ESYT3: variants seen among roughly 807,000 people sequenced by gnomAD.
ESYT3 encodes extended synaptotagmin-3.
In ESYT3, 101 loss-of-function variants were observed where a neutral mutation model predicts 111.5. The observed-to-expected ratio is 0.91, with a 90% CI of 0.77 to 1.07. ESYT3 has a LOEUF of 1.07. ESYT3 is among the 50% of genes least tolerant of loss of function. The probability of loss-of-function intolerance (pLI) is 0.00; values close to 1 mark genes in which losing one functional copy is unlikely to be tolerated. For missense variants in ESYT3, 1,097 were observed against 1,109.4 expected (o/e 0.99, Z 0.16); for synonymous variants, 416 against 446.8 (o/e 0.93, Z 0.87).
At chr3:138,445,524 C>A in intron 1 of ESYT3, among the ~76,000 whole-genome samples, 1 of 152,250 alleles carries the variant, frequency 6.6e-6, no homozygotes, top group African/African-American at 2.4e-5. Context: ...CAACCACTTG[C>A]ACTGTGTTGT....
chr3:138,467,604 G>C lies in ESYT3; in HGVS notation c.1213G>C (p.Asp405His). The part of the protein sequence containing the change: ...LGDVMTNRVV[D>H]EWFVLNDTTS... ...AGATGTCATGACCAACAGAGTGGTG[G>C]ATGAGGTACAGTTGGTGCTTGCAAC... The change falls in exon 11 of 23, where the codon GAT becomes CAT. Residue 405 changes from aspartate to histidine, a missense_variant. Asp to His is a moderately conservative substitution (Grantham distance 81, BLOSUM62 -1). Coordinates refer to ENST00000389567, the MANE Select transcript of ESYT3 (RefSeq NM_031913.5). The C allele has an allele frequency of 6.2e-7, 1 of 1,614,106 alleles. No homozygotes were observed. The highest frequency in any genetic ancestry group is 1.1e-5 in the South Asian group (1 of 91,066).
chr3:138,464,363 T>C lies in ESYT3; in HGVS notation c.934T>C (p.Leu312=), dbSNP rs145619454. 7.4e-5 allele frequency: 119 copies of C among 1,614,094 alleles called. 1 individual carries two copies. In the African/African-American group the frequency reaches 1.5e-3, roughly 20 times the overall value. The change falls in exon 9 of 23, where the codon TTG becomes CTG. Residue 312 remains leucine, a synonymous_variant. Coordinates refer to ENST00000389567, the MANE Select transcript of ESYT3 (RefSeq NM_031913.5). ...TTTCCAGGGGGTGATCAGAGTGCAC[T>C]TGCTGGAGGCAGAGCAGCTGGCCCA... ...PLPCGVIRVH[L]LEAEQLAQKD...
intron 2 of ESYT3, among the ~76,000 whole-genome samples, chr3:138,452,385 C>T (rs1052092573): frequency 3.3e-5 from 5 of 152,214 alleles, no homozygotes; most frequent in Non-Finnish European, 7.3e-5. Flanking sequence ...GAGAGGAAGA[C>T]ATTAATTAGA....
intron 8 of ESYT3, among the ~76,000 whole-genome samples, chr3:138,463,449 A>G (rs1169430481): frequency 1.3e-5 from 2 of 152,198 alleles, no homozygotes; most frequent in Non-Finnish European, 2.9e-5. Flanking sequence ...GACAGTGTAG[A>G]TTAGAGATCT....
rs1239301725 is a variant in ESYT3, at chr3:138,478,240, T to G, written c.*1386T>G. 1 of 152,224 alleles carries G rather than the reference T, an allele frequency of 6.6e-6. No individual in the cohort carries two copies. Among genetic ancestry groups the G allele is most frequent in the Non-Finnish European group, 1.5e-5 (1 of 68,038 alleles). The allele number at this position is 152,224 out of a possible 1,614,324, so 9.4% of individuals were successfully genotyped here. The stretch of plus-strand genomic sequence containing the variant: ...ACTTATATTGTATTTGGTATTTAAT[T>G]TTGTTTATTCTCCAGTTGAACAGTA... On this transcript the variant is annotated 3_prime_UTR_variant, in exon 23 of 23. Transcript: ENST00000389567.
intron 6 of ESYT3, 149 bp downstream of exon 6, chr3:138,460,183 T>C: frequency 1.5e-6 from 1 of 667,030 alleles, no homozygotes; most frequent in Non-Finnish European, 2.6e-6. Flanking sequence ...CATTTAATCC[T>C]TAAGACAGCT....
At chr3:138,469,329 C>T (rs557741403) in intron 14 of ESYT3, 107 bp from the exon 15 acceptor site, 1 of 920,608 alleles carries the variant, frequency 1.1e-6, no homozygotes, top group Non-Finnish European at 1.7e-6. Context: ...AGAGAAGTAA[C>T]TGGGTGGCCC....
chr3:138,476,337 A>C lies in ESYT3; in HGVS notation c.2574+9A>C. On this transcript the variant is annotated intron_variant, in intron 21 of 22. Coordinates refer to ENST00000389567, the MANE Select transcript of ESYT3 (RefSeq NM_031913.5). ...GAAAGGAGTTAGGAAAAGTAAGTAC[A>C]AGAGATATTTGATATACCAAGGAGA... 1 of 1,609,384 alleles carries C rather than the reference A, an allele frequency of 6.2e-7. No homozygotes were observed. The highest frequency in any genetic ancestry group is 8.5e-7 in the Non-Finnish European group (1 of 1,175,772).
chr3:138,441,922 C>T (rs2031180525), intron 1 of ESYT3, among the ~76,000 whole-genome samples: 1 of 151,970 alleles, frequency 6.6e-6, no homozygotes, highest in African/African-American at 2.4e-5. Flanking sequence ...CCCATAAGCC[C>T]TATCTCTGTG....
Position 138,472,712 on chromosome 3 carries a change from C to T in ESYT3, c.2090C>T (p.Ser697Phe), listed in dbSNP as rs757660126. The T allele has an allele frequency of 3.7e-6, 6 of 1,614,228 alleles. No individual in the cohort carries two copies. Among genetic ancestry groups the T allele is most frequent in the Non-Finnish European group, 3.4e-6 (4 of 1,180,050 alleles). The change falls in exon 18 of 23, where the codon TCT becomes TTT. Residue 697 changes from serine to phenylalanine, a missense_variant. Transcript: ENST00000389567. ...TIFLTVPGPH[S>F]PGPIKSPRPM... is the part of the protein sequence containing the mutation. ...TTCCTGACTGTCCCAGGTCCCCACTCTCCAGGGCCCATCAAGTCACCCAGA... is the reference window on the plus strand; with the variant it reads ...TTCCTGACTGTCCCAGGTCCCCACTTTCCAGGGCCCATCAAGTCACCCAGA...
chr3:138,464,217 C>T (rs766374608), intron 8 of ESYT3, 128 bp from the exon 9 acceptor site: 10 of 1,076,874 alleles, frequency 9.3e-6, no homozygotes, highest in South Asian at 1.6e-5. Flanking sequence ...TGGCTTCTAT[C>T]TCCTGGTCCA....
intron 9 of ESYT3, 36 bp from the exon 10 acceptor site, chr3:138,465,303 T>C (rs575196446): frequency 6.7e-6 from 10 of 1,501,300 alleles, no homozygotes; most frequent in Non-Finnish European, 8.2e-6. Context: ...AGGTCGACTG[T>C]TGCCTGCAGG....
At position 138,476,090 on chromosome 3, in the gene ESYT3, G is replaced by C; in HGVS notation, c.2469-133G>C. Reference sequence around the variant, plus strand: ...ATAATGATACATCGTGAGTAGTTATGAGCCAGTCCTGCTCTAGGTGCTCCT... The same window carrying C: ...ATAATGATACATCGTGAGTAGTTATCAGCCAGTCCTGCTCTAGGTGCTCCT... On this transcript the variant is annotated intron_variant, in intron 20 of 22. Coordinates refer to ENST00000389567, the MANE Select transcript of ESYT3 (RefSeq NM_031913.5). The C allele has an allele frequency of 4.7e-6, 3 of 636,576 alleles. No individual in the cohort carries two copies. The South Asian group carries it at 5.7e-5, about 12-fold the overall frequency. The allele number at this position is 636,576 out of a possible 1,614,324, so 39.4% of individuals were successfully genotyped here.
rs781712186 is a variant in ESYT3 at position 138,464,475 on chromosome 3, T to C, written c.1046T>C (p.Ile349Thr). 6.2e-7 allele frequency: 1 copy of C among 1,614,092 alleles called. No individual in the cohort carries two copies. Among genetic ancestry groups the C allele is most frequent in the Non-Finnish European group, 8.5e-7 (1 of 1,180,022 alleles). Residue 349 changes from isoleucine to threonine, a missense_variant, in exon 9 of 23, where the codon ATC becomes ACC. By Grantham distance (89) the Ile-to-Thr change is moderately conservative. Coordinates refer to ENST00000389567, the MANE Select transcript of ESYT3 (RefSeq NM_031913.5). ...CTACAGCATTTCCGGAGTAGGACCA[T>C]CTACAGGAACCTGAACCCCACCTGG... The part of the protein sequence containing the change: ...IGLQHFRSRT[I>T]YRNLNPTWNE...
At chr3:138,473,243 C>T in intron 18 of ESYT3, 1 of 797,508 alleles carries the variant, frequency 1.3e-6, no homozygotes, top group South Asian at 3.3e-5. Context: ...TCACAATAAC[C>T]CTACAAGATG....
At position 138,472,670 on chromosome 3, in the gene ESYT3, A is replaced by ACG; in HGVS notation, c.2048_2049insCG (p.Lys683AsnfsTer9). 1 of 1,614,232 alleles carries ACG rather than the reference A, an allele frequency of 6.2e-7. No individual in the cohort carries two copies. The highest frequency in any genetic ancestry group is 8.5e-7 in the Non-Finnish European group (1 of 1,180,036). On this transcript the variant is annotated frameshift_variant, in exon 18 of 23. Transcript: ENST00000389567. LOFTEE classifies it high-confidence loss of function. ...TTCTGTGAGCCCATCGGGGAGAAGA[A>ACG]GAGTCCAGCCACCATCTTCCTGACT...
intron 10 of ESYT3, among the ~76,000 whole-genome samples, chr3:138,466,885 G>A (rs1370336974): frequency 1.3e-5 from 2 of 152,174 alleles, no homozygotes; most frequent in African/African-American, 4.8e-5. Context: ...CAACAGGAGT[G>A]AGGATGTCCC....
chr3:138,439,225 G>A, intron 1 of ESYT3, among the ~76,000 whole-genome samples: 1 of 152,146 alleles, frequency 6.6e-6, no homozygotes, highest in East Asian at 1.9e-4. Context: ...CTGTTTCCCG[G>A]GCTTCCTAAC....
chr3:138,446,972 C>CT (rs1239479012), intron 1 of ESYT3, among the ~76,000 whole-genome samples: 1 of 152,130 alleles, frequency 6.6e-6, no homozygotes, highest in Non-Finnish European at 1.5e-5. Context: ...GAGGTCAAGG[C>CT]TGCAGTAGGC....
Sources: allele counts gnomAD v4.1 joint callset (sites outside exome capture counted in the v4.1 genomes callset), GRCh38; gene constraint gnomAD v4.1.1; transcripts MANE v1.5; gene names NCBI Gene and HGNC (gene_info 2026-07-23, HGNC 2026-07-21).